IDO2: variants seen among roughly 807,000 people sequenced by gnomAD.
The protein encoded by IDO2 is indoleamine 2,3-dioxygenase-like 1 protein.
In IDO2, 46 loss-of-function variants were observed where a neutral mutation model predicts 45.1. That is an observed-to-expected ratio of 1.02 (90% CI 0.80 to 1.30). IDO2 has a LOEUF of 1.30. Ranked by LOEUF, IDO2 falls within the 50% of genes most tolerant of loss-of-function variation. The probability of loss-of-function intolerance (pLI) is 0.00; values close to 1 mark genes in which losing one functional copy is unlikely to be tolerated. For synonymous variants in IDO2, 218 were observed against 184.9 expected (o/e 1.18, Z -1.45); for missense variants, 544 against 491.8 (o/e 1.11, Z -1.00).
rs527611472 is a variant in IDO2, at chr8:39,960,514, A to T, written c.100-3094A>T. On this transcript the variant is annotated intron_variant, in intron 2 of 10. Coordinates refer to ENST00000502986, the Ensembl canonical transcript of IDO2. ...CTTAAAAGATCTCTCTGAAATGCAAATTCCCTACTGCCTTATGGCTCTCCT... is the reference window on the plus strand; with the variant it reads ...CTTAAAAGATCTCTCTGAAATGCAATTTCCCTACTGCCTTATGGCTCTCCT... 1.2e-4 allele frequency among the ~76,000 whole-genome samples: 19 copies of T among 152,310 alleles called. 1 individual carries two copies. The highest frequency in any genetic ancestry group is 2.6e-4 in the Admixed American group (4 of 15,292).
At chr8:39,947,167 G>A (rs553987079) in intron 1 of IDO2, among the ~76,000 whole-genome samples, 14 of 70,310 alleles carry the variant, frequency 2.0e-4, no homozygotes, top group African/African-American at 7.4e-4. Context: ...TAGAGCTAAG[G>A]TATCAAAAAA....
intron 3 of IDO2, among the ~76,000 whole-genome samples, chr8:39,976,441 T>G (rs1808260578): frequency 6.6e-6 from 1 of 152,222 alleles, no homozygotes; most frequent in Admixed American, 6.5e-5. Context: ...TTGGTCAAGT[T>G]CTATTTCTTA....
chr8:40,006,323 G>A (rs1802220106), intron 9 of IDO2, among the ~76,000 whole-genome samples: 1 of 152,140 alleles, frequency 6.6e-6, no homozygotes. Flanking sequence ...CTTTGCGTTA[G>A]GTGATTTTGC....
intron 8 of IDO2, among the ~76,000 whole-genome samples, chr8:39,993,283 G>T (rs1199271061): frequency 6.6e-6 from 1 of 151,852 alleles, no homozygotes; most frequent in African/African-American, 2.4e-5. Flanking sequence ...TCTCTAGGAA[G>T]TAATGTTCTT....
chr8:39,944,438 A>G (rs1431964720), intron 1 of IDO2, among the ~76,000 whole-genome samples: 2 of 151,912 alleles, frequency 1.3e-5, no homozygotes, highest in Non-Finnish European at 2.9e-5. Context: ...CCTTGTTTCC[A>G]CCTGAATTGA....
At chr8:39,977,231 A>T (rs1808271651) in intron 3 of IDO2, among the ~76,000 whole-genome samples, 1 of 152,224 alleles carries the variant, frequency 6.6e-6, no homozygotes, top group South Asian at 2.1e-4. Context: ...AAGATATTTG[A>T]ATTGATGATA....
At chr8:39,987,910 C>A (rs1045814856) in exon 7 of IDO2, 39 of 1,611,416 alleles carry the variant, frequency 2.4e-5, no homozygotes, top group Non-Finnish European at 3.1e-5. Flanking sequence ...GGGGAGAGAG[C>A]CTGCATGGTT....
At chr8:39,980,803 G>A (rs1429049610) in intron 4 of IDO2, among the ~76,000 whole-genome samples, 1 of 152,184 alleles carries the variant, frequency 6.6e-6, no homozygotes, top group Non-Finnish European at 1.5e-5. Flanking sequence ...AGGCTAGAGT[G>A]CAGTGGCGTG....
chr8:39,962,032 A>G (rs1312252045), intron 2 of IDO2, among the ~76,000 whole-genome samples: 1 of 152,236 alleles, frequency 6.6e-6, no homozygotes, highest in African/African-American at 2.4e-5. Flanking sequence ...GCTGTAATGT[A>G]AAAGCAACCA....
intron 9 of IDO2, among the ~76,000 whole-genome samples, chr8:40,006,902 C>T (rs1802232445): frequency 6.6e-6 from 1 of 152,090 alleles, no homozygotes; most frequent in Non-Finnish European, 1.5e-5. Flanking sequence ...CTCAGGTGAT[C>T]TGCCCACCTT....
chr8:39,934,898 G>T lies in IDO2; in HGVS notation c.-338G>T. On this transcript the variant is annotated 5_prime_UTR_variant, in exon 1 of 11. In the 5' UTR this introduces an upstream ATG that the reference lacks. Coordinates refer to ENST00000502986, the Ensembl canonical transcript of IDO2. ...TTAAAGTTGGAAATCTGCCTGGTAA[G>T]GGATCATTTGCTGGTGTCTGCAAAG... The T allele has an allele frequency of 1.9e-6, 1 of 532,580 alleles. No homozygotes were observed. The allele number at this position is 532,580 out of a possible 1,614,324, so 33.0% of individuals were successfully genotyped here. A position where few individuals can be genotyped will look rare whatever the true frequency, so the allele number is the denominator to read the frequency against.
At position 39,982,694 on chromosome 8, in the gene IDO2, A is replaced by AT. The variant is rs751016294; in HGVS notation, c.358_359insT (p.Arg120MetfsTer104). Reference sequence around the variant, plus strand: ...TGCCCTTCCATTTGTCGAAGTCTCCAGGAACTTGGGGCTCCCTCCTATCCT... The same window carrying AT: ...TGCCCTTCCATTTGTCGAAGTCTCCATGGAACTTGGGGCTCCCTCCTATCCT... On this transcript the variant is annotated frameshift_variant, in exon 5 of 11. Transcript: ENST00000502986. LOFTEE classifies it high-confidence loss of function. The AT allele has an allele frequency of 6.2e-7, 1 of 1,611,928 alleles. No individual in the cohort carries two copies. The highest frequency in any genetic ancestry group is 8.5e-7 in the Non-Finnish European group (1 of 1,179,048).
In IDO2 at chr8:39,966,642, C is replaced by A. The variant is rs150531778; in HGVS notation, c.195+2939C>A. Among the ~76,000 whole-genome samples, 1,124 of 152,272 alleles carry A rather than the reference C, an allele frequency of 7.4e-3. 8 individuals are homozygous for A. The highest frequency in any genetic ancestry group is 0.027 in the Middle Eastern group (8 of 294). On this transcript the variant is annotated intron_variant, in intron 3 of 10. Transcript: ENST00000502986. ...CTTGTCTTAGAATGTCTCAACATAC[C>A]TATCTGTATCTTGAAACAAAATATA...
intron 2 of IDO2, among the ~76,000 whole-genome samples, chr8:39,957,475 T>G (rs113740557): frequency 6.7e-6 from 1 of 148,934 alleles, no homozygotes; most frequent in Admixed American, 6.6e-5. Flanking sequence ...TAGCTGTGCA[T>G]GATCCTATGT....
At chr8:39,979,923 G>A (rs1220770246) in intron 4 of IDO2, among the ~76,000 whole-genome samples, 1 of 152,130 alleles carries the variant, frequency 6.6e-6, no homozygotes, top group African/African-American at 2.4e-5. Flanking sequence ...CCAGGCTCAA[G>A]CAACCCTCCC....
At chr8:39,973,907 A>G (rs1214042026) in intron 3 of IDO2, among the ~76,000 whole-genome samples, 3 of 151,890 alleles carry the variant, frequency 2.0e-5, no homozygotes, top group Non-Finnish European at 4.4e-5. Context: ...ACGCCCAGCT[A>G]ATTTTTTATA....
intron 3 of IDO2, among the ~76,000 whole-genome samples, chr8:39,973,723 T>A (rs1264207871): frequency 7.6e-6 from 1 of 132,060 alleles, no homozygotes; most frequent in East Asian, 2.1e-4. Context: ...AAATCATGGG[T>A]TTTCTTGTGT....
At chr8:39,963,151 G>A (rs995124747) in intron 2 of IDO2, among the ~76,000 whole-genome samples, 9 of 152,284 alleles carry the variant, frequency 5.9e-5, no homozygotes, top group African/African-American at 1.7e-4. Flanking sequence ...GTCCCAGGAA[G>A]CACCTACATC....
At chr8:39,943,476 G>A (rs1034697355) in intron 1 of IDO2, among the ~76,000 whole-genome samples, 9 of 152,092 alleles carry the variant, frequency 5.9e-5, no homozygotes, top group Admixed American at 5.9e-4. Context: ...GGTGGCTCAA[G>A]CCTGTAATCC....
Sources: gnomAD v4.1 joint callset for allele counts (sites outside exome capture counted in the v4.1 genomes callset) on GRCh38, gnomAD v4.1.1 for gene constraint, MANE v1.5 for transcripts, NCBI Gene and HGNC (gene_info 2026-07-23, HGNC 2026-07-21) for gene names.